Variants in TXLNB observed in about 807,000 individuals in gnomAD.
The protein encoded by TXLNB is taxilin beta, also known as beta-taxilin.
Under a neutral mutation model 57.4 loss-of-function variants are expected in TXLNB, and 37 were observed. The ratio of observed to expected loss-of-function variants is 0.64; its 90% CI spans 0.50 to 0.85. The LOEUF (loss-of-function observed/expected upper bound fraction) is 0.85. TXLNB is among the 40% of genes least tolerant of loss of function. TXLNB has a pLI of 0.00. For missense variants in TXLNB, 848 were observed against 825.6 expected, an observed-to-expected ratio of 1.03 and a Z score of -0.33; for synonymous variants, 302 against 309.6, an observed-to-expected ratio of 0.98 and a Z score of 0.26.
At chr6:139,191,438 A>T in the TXLNB span, among the ~76,000 whole-genome samples, 1,216 of 152,298 alleles carry the variant, frequency 8.0e-3, 13 homozygotes, top group African/African-American at 0.028. Flanking sequence ...TAAAAATAAA[A>T]AAATCCAGTT....
the TXLNB span, chr6:139,166,205 T>C: frequency 5.2e-6 from 6 of 1,148,276 alleles, no homozygotes; most frequent in Non-Finnish European, 3.8e-6. Context: ...AAAAACCTTA[T>C]ACCATACTGT....
At chr6:139,249,752 T>G (rs1197670201) in intron 7 of TXLNB, among the ~76,000 whole-genome samples, 1 of 152,176 alleles carries the variant, frequency 6.6e-6, no homozygotes, top group Non-Finnish European at 1.5e-5. Flanking sequence ...ACATAAATCA[T>G]TTCGGTAGAA....
the TXLNB span, among the ~76,000 whole-genome samples, chr6:139,186,516 T>C: frequency 1.3e-5 from 2 of 152,202 alleles, no homozygotes; most frequent in Non-Finnish European, 2.9e-5. Context: ...GGCAAAGATA[T>C]GAAGTAATTG....
chr6:139,167,128 C>G, the TXLNB span: 1 of 1,614,166 alleles, frequency 6.2e-7, no homozygotes, highest in Non-Finnish European at 8.5e-7. Flanking sequence ...AAGACGATGC[C>G]CAAGTGGGCC....
intron 2 of TXLNB, among the ~76,000 whole-genome samples, chr6:139,279,214 C>T (rs1190842332): frequency 6.6e-6 from 1 of 152,154 alleles, no homozygotes; most frequent in Non-Finnish European, 1.5e-5. Context: ...TCCAAAGGTT[C>T]TTGCTTTCTT....
chr6:139,228,786 C>A, the TXLNB span, among the ~76,000 whole-genome samples: 3 of 152,092 alleles, frequency 2.0e-5, no homozygotes, highest in Non-Finnish European at 2.9e-5. Flanking sequence ...TCACACAAAC[C>A]CCCAGATAAC....
the TXLNB span, chr6:139,166,799 C>T: frequency 2.9e-5 from 46 of 1,613,674 alleles, no homozygotes; most frequent in South Asian, 1.2e-4. Context: ...CTACGGTGCC[C>T]GTTCCCCCGG....
At chr6:139,200,814 T>C in the TXLNB span, among the ~76,000 whole-genome samples, 2 of 152,178 alleles carry the variant, frequency 1.3e-5, no homozygotes, top group Admixed American at 6.5e-5. Context: ...ATTTTTCTTG[T>C]TACCCCTTGT....
chr6:139,217,594 C>G, the TXLNB span, among the ~76,000 whole-genome samples: 22 of 152,134 alleles, frequency 1.4e-4, no homozygotes, highest in South Asian at 4.4e-3. Context: ...TTAGGCTGGG[C>G]GTGGCGGCTC....
the TXLNB span, among the ~76,000 whole-genome samples, chr6:139,309,813 T>A: frequency 8.3e-3 from 1,258 of 152,018 alleles, 18 homozygotes; most frequent in African/African-American, 0.028. Flanking sequence ...TGGAAACCCA[T>A]AAATAAAATC....
the TXLNB span, among the ~76,000 whole-genome samples, chr6:139,198,849 C>T: frequency 2.6e-3 from 397 of 152,348 alleles, no homozygotes; most frequent in Admixed American, 5.7e-3. Flanking sequence ...CTGCTGCTAA[C>T]CCCAGGGAGC....
rs1777103564 is a variant in TXLNB at position 139,283,515 on chromosome 6, G to A, written c.424+4961C>T. 1.4e-5 allele frequency among the ~76,000 whole-genome samples: 2 copies of A among 141,390 alleles called. 1 individual carries two copies. The highest frequency in any genetic ancestry group is 4.9e-4 in the South Asian group (2 of 4,116). The allele number at this position is 141,390 out of a possible 152,430, so 92.8% of individuals were successfully genotyped here. Reference sequence around the variant, plus strand: ...CGATTGAACCCGGAGGGCGGAGGTTGTGGTGAGCCGAGATCGCACCATTGC... The same window carrying A: ...CGATTGAACCCGGAGGGCGGAGGTTATGGTGAGCCGAGATCGCACCATTGC... On this transcript the variant is annotated intron_variant, in intron 2 of 9. Coordinates refer to ENST00000358430, the MANE Select transcript of TXLNB (RefSeq NM_153235.4).
chr6:139,205,155 C>T, the TXLNB span, among the ~76,000 whole-genome samples: 2 of 152,228 alleles, frequency 1.3e-5, no homozygotes, highest in Non-Finnish European at 2.9e-5. Flanking sequence ...TGCTCTCTTG[C>T]AAGCGCCACC....
chr6:139,198,850 C>G, the TXLNB span, among the ~76,000 whole-genome samples: 1 of 152,212 alleles, frequency 6.6e-6, no homozygotes, highest in African/African-American at 2.4e-5. Context: ...TGCTGCTAAC[C>G]CCAGGGAGCG....
At position 139,284,482 on chromosome 6, in the gene TXLNB, C is replaced by T. The variant is rs1018741806; in HGVS notation, c.424+3994G>A. 2.7e-4 allele frequency among the ~76,000 whole-genome samples: 39 copies of T among 145,068 alleles called. 8 individuals are homozygous for T. The highest frequency in any genetic ancestry group is 9.1e-4 in the African/African-American group (36 of 39,472). ...GCTGGAGGTTGTAGTGAGCCGAAAT[C>T]GCGCCACTGCACTCCAGCCTGGCAA... On this transcript the variant is annotated intron_variant, in intron 2 of 9. Transcript: ENST00000358430.
the TXLNB span, among the ~76,000 whole-genome samples, chr6:139,298,895 A>C: frequency 0.013 from 1,922 of 152,200 alleles, 39 homozygotes; most frequent in African/African-American, 0.044. Flanking sequence ...CTGATTGCTA[A>C]AAAGCACCTG....
chr6:139,272,499 G>A (rs1694626750), intron 3 of TXLNB, among the ~76,000 whole-genome samples: 3 of 152,044 alleles, frequency 2.0e-5, no homozygotes, highest in African/African-American at 7.3e-5. Flanking sequence ...TCATACTTAT[G>A]TGCAATTTCT....
chr6:139,297,692 A>G, the TXLNB span, among the ~76,000 whole-genome samples: 1 of 152,242 alleles, frequency 6.6e-6, no homozygotes, highest in African/African-American at 2.4e-5. Flanking sequence ...TGAAATTAAC[A>G]TAGTAAATGT....
chr6:139,228,068 T>C, the TXLNB span, among the ~76,000 whole-genome samples: 10 of 152,244 alleles, frequency 6.6e-5, no homozygotes, highest in Non-Finnish European at 1.2e-4. Flanking sequence ...TTTGGAACTA[T>C]TTCCATAGAA....
Sources: allele counts gnomAD v4.1 joint callset (sites outside exome capture counted in the v4.1 genomes callset), GRCh38; gene constraint gnomAD v4.1.1; transcripts MANE v1.5; gene names NCBI Gene and HGNC (gene_info 2026-07-23, HGNC 2026-07-21).